Variants in PDSS1 observed in about 807,000 individuals in gnomAD.
The protein encoded by PDSS1 is all trans-polyprenyl-diphosphate synthase PDSS1.
In PDSS1, 43 loss-of-function variants were observed where a neutral mutation model predicts 57.5. The observed-to-expected ratio is 0.75, with a 90% CI of 0.59 to 0.96. PDSS1 has a LOEUF of 0.96. Among genes scored for constraint, PDSS1 ranks in the 50% least tolerant of loss-of-function variants. The pLI is 0.00. For synonymous variants in PDSS1, 175 were observed against 191.3 expected (o/e 0.91, Z 0.70); for missense variants, 438 against 527.8 (o/e 0.83, Z 1.67).
At chr10:26,706,211 G>A (rs1835209499) in intron 4 of PDSS1, among the ~76,000 whole-genome samples, 2 of 152,212 alleles carry the variant, frequency 1.3e-5, no homozygotes, top group Non-Finnish European at 2.9e-5. Context: ...TGAGGCTGCA[G>A]TGAGCCATGA....
At chr10:26,721,423 T>TACACACACAC (rs1554795596) in intron 6 of PDSS1, among the ~76,000 whole-genome samples, 30 of 149,366 alleles carry the variant, frequency 2.0e-4, no homozygotes, top group East Asian at 1.2e-3. Flanking sequence ...GATATATGTA[T>TACACACACAC]ACACACACAC....
intron 4 of PDSS1, among the ~76,000 whole-genome samples, chr10:26,708,361 T>G (rs1386394039): frequency 6.6e-6 from 1 of 152,190 alleles, no homozygotes; most frequent in African/African-American, 2.4e-5. Flanking sequence ...CTTGTCCTCT[T>G]TGTGAATCAG....
At chr10:26,700,632 G>T (rs543747256) in intron 1 of PDSS1, among the ~76,000 whole-genome samples, 1 of 152,232 alleles carries the variant, frequency 6.6e-6, no homozygotes, top group East Asian at 1.9e-4. Flanking sequence ...AGTTCCTCCT[G>T]TGTTCATTCT....
In PDSS1 at chr10:26,724,119, A is replaced by G; in HGVS notation, c.827A>G (p.Lys276Arg). The change falls in exon 8 of 12, where the codon AAA becomes AGA. Residue 276 changes from lysine to arginine, a missense_variant. This residue lies in a region of PDSS1 where 284 missense variants were observed against 390.7 expected (regional missense o/e 0.73). Transcript: ENST00000376215. ...KTASLIANSC[K>R]AVSVLGCPDP... Reference sequence around the variant, plus strand: ...GCCAGCCTGATAGCCAACAGTTGTAAAGCAGTATGTACGTTCTGTCTTTCT... The same window carrying G: ...GCCAGCCTGATAGCCAACAGTTGTAGAGCAGTATGTACGTTCTGTCTTTCT... 1 of 1,596,548 alleles carries G rather than the reference A, an allele frequency of 6.3e-7. No homozygotes were observed. The highest frequency in any genetic ancestry group is 8.6e-7 in the Non-Finnish European group (1 of 1,163,904).
At chr10:26,730,542 C>T (rs1166062313) in intron 8 of PDSS1, among the ~76,000 whole-genome samples, 1 of 151,526 alleles carries the variant, frequency 6.6e-6, no homozygotes, top group Non-Finnish European at 1.5e-5. Flanking sequence ...CCTGGGAGGT[C>T]GAGGCTGCAG....
intron 10 of PDSS1, among the ~76,000 whole-genome samples, chr10:26,735,878 A>G (rs1428835851): frequency 6.6e-6 from 1 of 152,160 alleles, no homozygotes; most frequent in Non-Finnish European, 1.5e-5. Context: ...TAGGCATTTG[A>G]GGTAGCATCG....
chr10:26,715,753 C>T (rs1420670989), intron 5 of PDSS1: 1 of 152,182 alleles, frequency 6.6e-6, no homozygotes, highest in African/African-American at 2.4e-5. Context: ...CTGGTTAGTC[C>T]ATAGTACCCT....
intron 10 of PDSS1, 59 bp from the exon 11 acceptor site, chr10:26,742,438 C>G: frequency 8.1e-7 from 1 of 1,240,504 alleles, no homozygotes. Context: ...TGTTAGAACA[C>G]TTGTTTCTCC....
intron 8 of PDSS1, among the ~76,000 whole-genome samples, chr10:26,734,065 C>T (rs998148572): frequency 9.1e-4 from 139 of 152,228 alleles, no homozygotes; most frequent in African/African-American, 3.2e-3. Flanking sequence ...ATGTCTGTTT[C>T]TCACAGCAAC....
At chr10:26,745,148 A>G (rs1449941948) in intron 11 of PDSS1, among the ~76,000 whole-genome samples, 4 of 152,076 alleles carry the variant, frequency 2.6e-5, no homozygotes, top group African/African-American at 7.2e-5. Flanking sequence ...TGGGCGACAG[A>G]GCAAGATTCC....
At chr10:26,721,563 T>C (rs1317896982) in intron 6 of PDSS1, among the ~76,000 whole-genome samples, 1 of 152,212 alleles carries the variant, frequency 6.6e-6, no homozygotes, top group Non-Finnish European at 1.5e-5. Context: ...TTTCAAATTT[T>C]AGATTAAAAG....
intron 6 of PDSS1, among the ~76,000 whole-genome samples, chr10:26,721,423 T>TATACACAC (rs10645608): frequency 0.022 from 3,330 of 149,340 alleles, 123 homozygotes; most frequent in African/African-American, 0.074. Context: ...GATATATGTA[T>TATACACAC]ACACACACAC....
At chr10:26,700,233 T>C (rs77633950) in intron 1 of PDSS1, among the ~76,000 whole-genome samples, 3,610 of 151,658 alleles carry the variant, frequency 0.024, 134 homozygotes, top group South Asian at 0.13. Context: ...CTTGAACTCT[T>C]GGACTCAAGC....
At chr10:26,706,872 G>A (rs1356438317) in intron 4 of PDSS1, among the ~76,000 whole-genome samples, 2 of 152,176 alleles carry the variant, frequency 1.3e-5, no homozygotes, top group Non-Finnish European at 2.9e-5. Flanking sequence ...GAAAGAATTC[G>A]ACTGAGGGGC....
At chr10:26,743,911 CAG>C (rs1490539865) in intron 11 of PDSS1, among the ~76,000 whole-genome samples, 1 of 130,704 alleles carries the variant, frequency 7.7e-6, no homozygotes, top group Admixed American at 7.9e-5. Flanking sequence ...GAAAAAAAAA[CAG>C]GAAAAACGTA....
At chr10:26,724,899 CCTT>C (rs1388628529) in intron 8 of PDSS1, among the ~76,000 whole-genome samples, 5 of 152,126 alleles carry the variant, frequency 3.3e-5, no homozygotes, top group African/African-American at 1.2e-4. Flanking sequence ...CCTGGCCAAT[CCTT>C]CTAATATTTT....
chr10:26,714,749 T>C (rs1280167403), intron 5 of PDSS1: 5 of 152,218 alleles, frequency 3.3e-5, no homozygotes, highest in Admixed American at 2.6e-4. Flanking sequence ...GATCTGTTGA[T>C]ATCAATTTTG....
chr10:26,733,749 G>A (rs1836294112), intron 8 of PDSS1, among the ~76,000 whole-genome samples: 1 of 152,062 alleles, frequency 6.6e-6, no homozygotes, highest in Non-Finnish European at 1.5e-5. Context: ...GTGGAGGTGG[G>A]AGGATCACGA....
At chr10:26,733,326 G>A (rs540216927) in intron 8 of PDSS1, among the ~76,000 whole-genome samples, 3 of 152,002 alleles carry the variant, frequency 2.0e-5, no homozygotes, top group Non-Finnish European at 2.9e-5. Flanking sequence ...AGCTTCTCTC[G>A]AAAGTTTCTG....
Sources: gnomAD v4.1 joint callset for allele counts (sites outside exome capture counted in the v4.1 genomes callset) on GRCh38, gnomAD v4.1.1 for gene constraint, gnomAD v4.1.1 regional missense constraint, MANE v1.5 for transcripts, NCBI Gene and HGNC (gene_info 2026-07-23, HGNC 2026-07-21) for gene names.